The following SPAG16 variants were observed in gnomAD, a reference collection of about 807,000 sequenced individuals.
The protein encoded by SPAG16 is sperm associated antigen 16, also known as sperm-associated antigen 16 protein.
Under a neutral mutation model 80.4 loss-of-function variants are expected in SPAG16, and 86 were observed. The ratio of observed to expected loss-of-function variants is 1.07; its 90% CI spans 0.90 to 1.28. The LOEUF is 1.28. Ranked by LOEUF, SPAG16 falls within the 50% of genes most tolerant of loss-of-function variation. The pLI, the probability that SPAG16 is intolerant of heterozygous loss-of-function variation, is 0.00. For missense variants in SPAG16, 870 were observed against 765.3 expected, an observed-to-expected ratio of 1.14 and a Z score of -1.61; for synonymous variants, 294 against 265.9, an observed-to-expected ratio of 1.11 and a Z score of -1.03.
At chr2:213,566,263 T>C (rs947680727) in intron 10 of SPAG16, among the ~76,000 whole-genome samples, 1 of 152,124 alleles carries the variant, frequency 6.6e-6, no homozygotes, top group Admixed American at 6.6e-5. Flanking sequence ...GGAGTAAAAA[T>C]TGAGGGAAGT....
At chr2:213,978,093 A>T (rs913870393) in intron 12 of SPAG16, among the ~76,000 whole-genome samples, 1 of 151,610 alleles carries the variant, frequency 6.6e-6, no homozygotes, top group African/African-American at 2.4e-5. Flanking sequence ...CTGGAGTCTT[A>T]ACAAAGGCTT....
intron 15 of SPAG16, among the ~76,000 whole-genome samples, chr2:214,241,889 T>TA (rs71037353): frequency 0.012 from 1,762 of 148,228 alleles, 11 homozygotes; most frequent in Non-Finnish European, 0.019. Flanking sequence ...GTAAGTTGTA[T>TA]AAAAAAAAAA....
intron 15 of SPAG16, among the ~76,000 whole-genome samples, chr2:214,391,460 G>A (rs987767679): frequency 2.6e-4 from 39 of 151,962 alleles, no homozygotes; most frequent in African/African-American, 9.2e-4. Context: ...GGGAAAATTG[G>A]CACTACATTT....
chr2:214,355,121 C>T (rs1698687959), intron 15 of SPAG16, among the ~76,000 whole-genome samples: 1 of 151,486 alleles, frequency 6.6e-6, no homozygotes. Context: ...GCAAGGACTT[C>T]ATGTCTAAAA....
At chr2:214,301,504 G>T (rs1694552590) in intron 15 of SPAG16, among the ~76,000 whole-genome samples, 1 of 151,998 alleles carries the variant, frequency 6.6e-6, no homozygotes, top group Admixed American at 6.6e-5. Context: ...AAGGCATCCA[G>T]ACTGGAAAAC....
chr2:213,989,220 G>A (rs989204571), intron 12 of SPAG16, among the ~76,000 whole-genome samples: 1 of 152,106 alleles, frequency 6.6e-6, no homozygotes, highest in Non-Finnish European at 1.5e-5. Flanking sequence ...TGTAGCTTGG[G>A]CCTGGACAAC....
chr2:213,775,978 G>T (rs1322478904), intron 10 of SPAG16, among the ~76,000 whole-genome samples: 1 of 152,146 alleles, frequency 6.6e-6, no homozygotes, highest in Non-Finnish European at 1.5e-5. Flanking sequence ...CTTTCCAAGG[G>T]TTGTGTATTT....
intron 12 of SPAG16, among the ~76,000 whole-genome samples, chr2:213,951,302 T>C (rs1477086828): frequency 6.6e-6 from 1 of 152,166 alleles, no homozygotes; most frequent in Non-Finnish European, 1.5e-5. Flanking sequence ...GTCATAATGA[T>C]ACAAAATAAA....
At chr2:213,577,949 A>C (rs2124828855) in intron 10 of SPAG16, among the ~76,000 whole-genome samples, 1 of 152,168 alleles carries the variant, frequency 6.6e-6, no homozygotes, top group African/African-American at 2.4e-5. Flanking sequence ...CTCAGGAGGA[A>C]CTTCCTCTGC....
At chr2:213,382,787 A>C (rs1480305849) in intron 9 of SPAG16, among the ~76,000 whole-genome samples, 1 of 152,140 alleles carries the variant, frequency 6.6e-6, no homozygotes, top group Non-Finnish European at 1.5e-5. Context: ...AGATCCATTT[A>C]GGGGGATTTT....
In SPAG16 at chr2:213,958,956, C is replaced by A. The variant is rs1367328378; in HGVS notation, c.1400+28811C>A. 2.6e-5 allele frequency among the ~76,000 whole-genome samples: 4 copies of A among 152,274 alleles called. No individual in the cohort carries two copies. The East Asian group carries it at 5.8e-4, about 22-fold the overall frequency. On this transcript the variant is annotated intron_variant, in intron 12 of 15. Transcript: ENST00000331683. ...CAGGGCAGTTCTACTGGTAACAAAC[C>A]ACCTTAATGTTTGTATATCTGGGAA...
At chr2:213,541,969 C>G (rs928735514) in intron 10 of SPAG16, among the ~76,000 whole-genome samples, 1 of 152,124 alleles carries the variant, frequency 6.6e-6, no homozygotes, top group African/African-American at 2.4e-5. Context: ...CAGGTGCCAT[C>G]GTCTGTAAGT....
intron 15 of SPAG16, among the ~76,000 whole-genome samples, chr2:214,385,358 T>C (rs190218263): frequency 2.6e-4 from 39 of 152,216 alleles, no homozygotes; most frequent in African/African-American, 8.7e-4. Flanking sequence ...GTCAACATTA[T>C]GTAAATCTTA....
At position 213,340,212 on chromosome 2, in the gene SPAG16, C is replaced by G. The variant is rs942724482; in HGVS notation, c.586C>G (p.Arg196Gly). The change falls in exon 6 of 16, where the codon CGA (arginine) becomes GGA (glycine). Residue 196 changes from arginine to glycine, a missense_variant. By Grantham distance (125) the Arg-to-Gly change is moderately radical (BLOSUM62 -2). Coordinates refer to ENST00000331683, the MANE Select transcript of SPAG16 (RefSeq NM_024532.5). ...LKIQKERDFH[R>G]MHHKRIVQEK... Reference sequence around the variant, plus strand: ...AATTCAGAAAGAACGTGATTTTCATCGAATGCATCATAAGCGAATAGTCCA... The same window carrying G: ...AATTCAGAAAGAACGTGATTTTCATGGAATGCATCATAAGCGAATAGTCCA... 4 of 1,611,588 alleles carry G rather than the reference C, an allele frequency of 2.5e-6. No homozygotes were observed. The highest frequency in any genetic ancestry group is 3.4e-6 in the Non-Finnish European group (4 of 1,179,064).
At position 214,410,337 on chromosome 2, in the gene SPAG16, G is replaced by C; in HGVS notation, c.*22G>C. 6.4e-7 allele frequency: 1 copy of C among 1,574,652 alleles called. No individual in the cohort carries two copies. The highest frequency in any genetic ancestry group is 2.3e-5 in the East Asian group (1 of 44,070). On this transcript the variant is annotated 3_prime_UTR_variant, in exon 16 of 16. Transcript: ENST00000331683. The stretch of plus-strand genomic sequence containing the variant: ...TTGACCGTCAGCACATCCCGCTGCA[G>C]AGGGCATTCCCTTTAAGGCTTGAAA...
At chr2:214,375,673 T>G (rs1382644855) in intron 15 of SPAG16, among the ~76,000 whole-genome samples, 1 of 152,174 alleles carries the variant, frequency 6.6e-6, no homozygotes, top group Non-Finnish European at 1.5e-5. Context: ...GTAAACCAGG[T>G]ATGCTTTGTT....
intron 14 of SPAG16, among the ~76,000 whole-genome samples, chr2:214,124,530 A>C (rs2054379453): frequency 6.6e-6 from 1 of 151,908 alleles, no homozygotes; most frequent in Admixed American, 6.7e-5. Flanking sequence ...AACAGGGATA[A>C]TGTCTAATGC....
intron 13 of SPAG16, among the ~76,000 whole-genome samples, chr2:214,029,988 C>T (rs759695737): frequency 5.3e-5 from 8 of 152,036 alleles, no homozygotes; most frequent in Non-Finnish European, 1.2e-4. Context: ...GTGGTAAGAA[C>T]AATCAACATG....
intron 6 of SPAG16, among the ~76,000 whole-genome samples, chr2:213,342,822 A>C (rs982231870): frequency 8.6e-5 from 13 of 151,832 alleles, no homozygotes; most frequent in Non-Finnish European, 8.8e-5. Context: ...GCAAAGCAGG[A>C]CCGTGATGCC....
Sources: allele counts gnomAD v4.1 joint callset (sites outside exome capture counted in the v4.1 genomes callset), GRCh38; gene constraint gnomAD v4.1.1; transcripts MANE v1.5; gene names NCBI Gene and HGNC (gene_info 2026-07-23, HGNC 2026-07-21).